Variants in RXRG observed in about 807,000 individuals in gnomAD.
RXRG encodes the protein retinoic acid receptor RXR-gamma.
RXRG carries 19 observed loss-of-function variants against 49.2 expected under a neutral mutation model. The ratio of observed to expected loss-of-function variants is 0.39; its 90% CI spans 0.27 to 0.57. RXRG has a LOEUF of 0.57. Ranked by LOEUF, RXRG falls within the 20% of genes least tolerant of loss-of-function variation. The pLI is 0.64. For synonymous variants in RXRG, 224 were observed against 216.6 expected (o/e 1.03, Z -0.30); for missense variants, 452 against 592.5 (o/e 0.76, Z 2.46).
intron 4 of RXRG, among the ~76,000 whole-genome samples, chr1:165,413,828 A>T (rs1290137823): frequency 6.6e-6 from 1 of 152,146 alleles, no homozygotes; most frequent in African/African-American, 2.4e-5. Context: ...CAGGAAATGG[A>T]CGTGTTACGT....
intron 1 of RXRG, among the ~76,000 whole-genome samples, chr1:165,443,948 T>G (rs1659079841): frequency 6.6e-6 from 1 of 152,194 alleles, no homozygotes; most frequent in South Asian, 2.1e-4. Flanking sequence ...TGCCTCCAAC[T>G]GACAAGCGAC....
At chr1:165,435,804 A>T (rs1217343801) in intron 1 of RXRG, among the ~76,000 whole-genome samples, 1 of 152,184 alleles carries the variant, frequency 6.6e-6, no homozygotes, top group Non-Finnish European at 1.5e-5. Flanking sequence ...GTGAAACCCA[A>T]TTTTGCATTC....
At chr1:165,411,535 G>A (rs911767931) in intron 4 of RXRG, among the ~76,000 whole-genome samples, 1 of 152,160 alleles carries the variant, frequency 6.6e-6, no homozygotes, top group Non-Finnish European at 1.5e-5. Flanking sequence ...CAGATCCTAT[G>A]CATCATCCTT....
rs780970253 is a variant in RXRG at position 165,401,326 on chromosome 1, G to A, written c.1329C>T (p.Ile443=). Residue 443 remains isoleucine, a synonymous_variant, in exon 10 of 10, where the codon ATC becomes ATT. Coordinates refer to ENST00000359842, the MANE Select transcript of RXRG (RefSeq NM_006917.5). ...CLEHLFFFKL[I]GDTPIDTFLM... ...GGAAGGTGTCAATGGGGGTGTCCCC[G>A]ATGAGCTTGAAGAAGAAGAGGTGCT... The A allele has an allele frequency of 1.8e-5, 29 of 1,614,010 alleles. No individual in the cohort carries two copies. Among genetic ancestry groups the A allele is most frequent in the Admixed American group, 6.7e-5 (4 of 59,996 alleles).
chr1:165,421,637 C>T (rs1037944109), intron 2 of RXRG, among the ~76,000 whole-genome samples: 3 of 151,882 alleles, frequency 2.0e-5, no homozygotes, highest in Non-Finnish European at 4.4e-5. Flanking sequence ...TCAAGCAATT[C>T]CCCTGCCTCA....
chr1:165,408,432 C>T (rs1469110184), intron 7 of RXRG, 114 bp from the exon 8 acceptor site: 6 of 735,194 alleles, frequency 8.2e-6, no homozygotes, highest in Non-Finnish European at 1.5e-5. Flanking sequence ...GATGATGTAC[C>T]AGTTACTAGG....
chr1:165,432,987 G>A (rs1334484553), intron 1 of RXRG, among the ~76,000 whole-genome samples: 1 of 152,150 alleles, frequency 6.6e-6, no homozygotes, highest in Non-Finnish European at 1.5e-5. Context: ...GAAGTGAGTA[G>A]GCCATGAGGG....
chr1:165,415,632 C>T (rs1014469237), intron 4 of RXRG, among the ~76,000 whole-genome samples: 9 of 152,070 alleles, frequency 5.9e-5, no homozygotes, highest in African/African-American at 1.4e-4. Context: ...CTTCCTCACC[C>T]GCTACATGTG....
intron 3 of RXRG, among the ~76,000 whole-genome samples, chr1:165,418,190 A>G (rs1361117341): frequency 6.7e-6 from 1 of 149,196 alleles, no homozygotes; most frequent in Non-Finnish European, 1.5e-5. Flanking sequence ...CATTGCCCTT[A>G]TTACCTGTCC....
chr1:165,401,457 G>T, intron 9 of RXRG, 47 bp from the exon 10 acceptor site: 1 of 1,606,184 alleles, frequency 6.2e-7, no homozygotes. Flanking sequence ...GGCAGGCACT[G>T]CACACCTGCA....
intron 1 of RXRG, among the ~76,000 whole-genome samples, chr1:165,435,232 A>G (rs1658788280): frequency 6.6e-6 from 1 of 152,230 alleles, no homozygotes; most frequent in Non-Finnish European, 1.5e-5. Context: ...CATTTCCAAT[A>G]AGGGATACTC....
chr1:165,424,587 A>T (rs1395728486), intron 2 of RXRG, among the ~76,000 whole-genome samples: 1 of 152,218 alleles, frequency 6.6e-6, no homozygotes, highest in African/African-American at 2.4e-5. Context: ...TCCTGCCTTC[A>T]TCGTACCAGT....
rs371709930 is a variant in RXRG, at chr1:165,428,634, G to A, written c.297+85C>T. The A allele has an allele frequency of 2.0e-6, 3 of 1,472,122 alleles. No individual in the cohort carries two copies. In the South Asian group the frequency reaches 4.0e-5, roughly 19 times the overall value. The allele number at this position is 1,472,122 out of a possible 1,614,324, so 91.2% of individuals were successfully genotyped here. ...TTTGGCAAGCACGCATTATGGACCT[G>A]CTGAGTGCTGGTTCTGCTCCAGGAG... On this transcript the variant is annotated intron_variant, in intron 2 of 9. Transcript: ENST00000359842.
rs200606782 is a variant in RXRG, at chr1:165,423,832, AT to A, written c.298-3819del. 9.9e-5 allele frequency among the ~76,000 whole-genome samples: 15 copies of A among 152,270 alleles called. No individual in the cohort carries two copies. The East Asian group carries it at 2.3e-3, about 23-fold the overall frequency. On this transcript the variant is annotated intron_variant, in intron 2 of 9. Transcript: ENST00000359842. ...TCTGAAGAAAAGACTTGATGACTTA[AT>A]TTTTTAAAATCATCAGACGAGATGA... is the stretch of plus-strand genomic sequence containing the variant.
intron 1 of RXRG, among the ~76,000 whole-genome samples, chr1:165,432,785 G>T (rs74806111): frequency 6.6e-6 from 1 of 152,320 alleles, no homozygotes; most frequent in Non-Finnish European, 1.5e-5. Flanking sequence ...AGGATGAGTG[G>T]TGTTTCTTGC....
intron 4 of RXRG, among the ~76,000 whole-genome samples, chr1:165,414,990 A>G (rs1016836724): frequency 3.3e-5 from 5 of 152,222 alleles, no homozygotes; most frequent in Admixed American, 1.3e-4. Context: ...GCAGTGGGGG[A>G]AAAAAGCAGA....
In RXRG at chr1:165,408,401, T is replaced by C; in HGVS notation, c.1047-83A>G. 9 of 937,800 alleles carry C rather than the reference T, an allele frequency of 9.6e-6. 1 individual carries two copies. In the South Asian group the frequency reaches 1.2e-4, roughly 12 times the overall value. 58.1% of individuals were successfully genotyped at this position (937,800 alleles called of 1,614,324 possible). A position where few individuals can be genotyped will look rare whatever the true frequency, so the allele number is the denominator to read the frequency against. On this transcript the variant is annotated intron_variant, in intron 7 of 9. Coordinates refer to ENST00000359842, the MANE Select transcript of RXRG (RefSeq NM_006917.5). ...ATAAAATGAATTCAACCAAAATTTT[T>C]ATAAGCCCACTCTGTTTCCAGATGA...
At chr1:165,401,948 A>G (rs1657587765) in intron 9 of RXRG, among the ~76,000 whole-genome samples, 1 of 152,206 alleles carries the variant, frequency 6.6e-6, no homozygotes, top group Non-Finnish European at 1.5e-5. Flanking sequence ...GGTTCTCACC[A>G]TGTTACTCAG....
At chr1:165,417,336 G>A in intron 3 of RXRG, 116 bp from the exon 4 acceptor site, 1 of 891,500 alleles carries the variant, frequency 1.1e-6, no homozygotes, top group African/African-American at 1.7e-5. Context: ...TGGGCATTGG[G>A]ACAGAAAGCA....
Sources: allele counts gnomAD v4.1 joint callset (sites outside exome capture counted in the v4.1 genomes callset), GRCh38; gene constraint gnomAD v4.1.1; transcripts MANE v1.5; gene names NCBI Gene and HGNC (gene_info 2026-07-23, HGNC 2026-07-21).